PADI1: variants seen among roughly 807,000 people sequenced by gnomAD.
The protein encoded by PADI1 is protein-arginine deiminase type-1.
PADI1 carries 65 observed loss-of-function variants against 74.8 expected under a neutral mutation model. The observed-to-expected ratio is 0.87, with a 90% confidence interval of 0.71 to 1.07. The LOEUF is 1.07. Ranked by LOEUF, PADI1 falls within the 50% of genes least tolerant of loss-of-function variation. The pLI is 0.00. For synonymous variants in PADI1, 371 were observed against 336.2 expected, an observed-to-expected ratio of 1.10 and a Z score of -1.13; for missense variants, 943 against 854.0, an observed-to-expected ratio of 1.10 and a Z score of -1.30.
chr1:17,208,471 C>T (rs1163727623), intron 1 of PADI1, among the ~76,000 whole-genome samples: 1 of 124,788 alleles, frequency 8.0e-6, no homozygotes, highest in Non-Finnish European at 1.8e-5. Context: ...TGGGCTAGCC[C>T]ACCACCCTGT....
Position 17,230,193 on chromosome 1 carries a change from T to A in PADI1, c.1038T>A (p.Asn346Lys). 1 of 1,614,052 alleles carries A rather than the reference T, an allele frequency of 6.2e-7. No homozygotes were observed. Among genetic ancestry groups the A allele is most frequent in the Non-Finnish European group, 8.5e-7 (1 of 1,179,942 alleles). The change falls in exon 9 of 16, where the codon AAT becomes AAA. Residue 346 changes from asparagine (N) to lysine (K), a missense_variant. Physicochemically the swap from Asn to Lys is moderately conservative, Grantham distance 94 (BLOSUM62 0). Coordinates refer to ENST00000375471, the MANE Select transcript of PADI1 (RefSeq NM_013358.3). ...TCTGCCCTCAAGTTGAAAATCGAAATGACCGCTGGATCCAGGTGGGAGCTG... is the reference window on the plus strand; with the variant it reads ...TCTGCCCTCAAGTTGAAAATCGAAAAGACCGCTGGATCCAGGTGGGAGCTG... ...LTICPQVENR[N>K]DRWIQDEMEF...
chr1:17,235,726 A>C (rs2072626409), intron 11 of PADI1, among the ~76,000 whole-genome samples: 1 of 151,968 alleles, frequency 6.6e-6, no homozygotes, highest in African/African-American at 2.4e-5. Flanking sequence ...TTCTCCAAGG[A>C]CTTTGCTCCC....
intron 1 of PADI1, among the ~76,000 whole-genome samples, chr1:17,216,531 T>A (rs541669520): frequency 6.6e-6 from 1 of 150,572 alleles, no homozygotes; most frequent in Non-Finnish European, 1.5e-5. Context: ...GGGGAAGGAG[T>A]GGGCATGGGG....
rs997140236 is a variant in PADI1, at chr1:17,223,812, G to A, written c.346+119G>A. The stretch of plus-strand genomic sequence containing the variant: ...ATGGCCAGCTTCCTCCATCACTGAG[G>A]GGCTTGGATTCCTCGGGACCTTCTG... On this transcript the variant is annotated intron_variant, in intron 3 of 15. Transcript: ENST00000375471. 6.3e-6 allele frequency: 5 copies of A among 799,118 alleles called. No homozygotes were observed. In the African/African-American group the frequency reaches 6.7e-5, roughly 11 times the overall value. 49.5% of individuals were successfully genotyped at this position (799,118 alleles called of 1,614,324 possible).
intron 13 of PADI1, 158 bp from the exon 14 acceptor site, chr1:17,239,546 C>A (rs41265087): frequency 0.082 from 49,183 of 599,390 alleles, 2,561 homozygotes; most frequent in Non-Finnish European, 0.1. Flanking sequence ...ATGGCTTGGT[C>A]CCTTCAGGGG....
chr1:17,205,332 C>A, intron 1 of PADI1, 23 bp downstream of exon 1: 1 of 1,582,976 alleles, frequency 6.3e-7, no homozygotes, highest in Non-Finnish European at 8.7e-7. Context: ...AGGCGCTCTC[C>A]TGGCTGCAGA....
At chr1:17,219,292 G>A (rs1219652120) in intron 1 of PADI1, among the ~76,000 whole-genome samples, 1 of 152,078 alleles carries the variant, frequency 6.6e-6, no homozygotes, top group African/African-American at 2.4e-5. Flanking sequence ...GGGAACATGA[G>A]GGATGAGGGA....
chr1:17,226,862 A>T (rs2072329739), intron 6 of PADI1, among the ~76,000 whole-genome samples: 1 of 152,090 alleles, frequency 6.6e-6, no homozygotes. Context: ...ATCCTGGCTA[A>T]CATGGAGAAA....
At chr1:17,214,602 C>T (rs1291093210) in intron 1 of PADI1, among the ~76,000 whole-genome samples, 1 of 152,152 alleles carries the variant, frequency 6.6e-6, no homozygotes, top group Non-Finnish European at 1.5e-5. Context: ...CATCATGAGA[C>T]ATCACCAAAG....
chr1:17,232,946 T>A lies in PADI1; in HGVS notation c.1289T>A (p.Ile430Asn), dbSNP rs141349720. The A allele has an allele frequency of 3.6e-4, 582 of 1,609,528 alleles. 4 individuals carry two copies. The East Asian group carries it at 8.9e-3, about 25-fold the overall frequency. The change falls in exon 11 of 16, where the codon ATC (isoleucine) becomes AAC (asparagine). Residue 430 changes from isoleucine to asparagine, a missense_variant. Coordinates refer to ENST00000375471, the MANE Select transcript of PADI1 (RefSeq NM_013358.3). Reference sequence around the variant, plus strand: ...GGCACGGAATACCCCCTGGGCCGGATCCTCATCGGGAGCAGCTTCCCCAAG... The same window carrying A: ...GGCACGGAATACCCCCTGGGCCGGAACCTCATCGGGAGCAGCTTCCCCAAG... ...VGGTEYPLGR[I>N]LIGSSFPKSG...
intron 11 of PADI1, among the ~76,000 whole-genome samples, chr1:17,233,741 C>A (rs951810094): frequency 2.0e-5 from 3 of 152,214 alleles, no homozygotes; most frequent in Admixed American, 6.5e-5. Context: ...CCCCCACTTA[C>A]CCCCCAAGCC....
intron 1 of PADI1, among the ~76,000 whole-genome samples, chr1:17,214,916 G>T (rs1012691974): frequency 6.6e-6 from 1 of 152,238 alleles, no homozygotes; most frequent in Non-Finnish European, 1.5e-5. Context: ...CCTTGCTTGG[G>T]TGCCAGAGAG....
chr1:17,239,520 G>C, intron 13 of PADI1, 184 bp from the exon 14 acceptor site: 1 of 563,826 alleles, frequency 1.8e-6, no homozygotes, highest in South Asian at 2.3e-5. Context: ...TCCATCACCA[G>C]GTTTTCCTTG....
chr1:17,213,521 T>C (rs1358811693), intron 1 of PADI1, among the ~76,000 whole-genome samples: 1 of 152,248 alleles, frequency 6.6e-6, no homozygotes, highest in Non-Finnish European at 1.5e-5. Flanking sequence ...TCCTACTTTC[T>C]GTAATCAATC....
chr1:17,212,215 C>T (rs61668732), intron 1 of PADI1, among the ~76,000 whole-genome samples: 5 of 152,374 alleles, frequency 3.3e-5, no homozygotes, highest in African/African-American at 1.2e-4. Flanking sequence ...CCTGACCCTA[C>T]GGCATTTCTT....
intron 1 of PADI1, among the ~76,000 whole-genome samples, chr1:17,221,827 G>T (rs933863415): frequency 6.6e-6 from 1 of 152,234 alleles, no homozygotes; most frequent in African/African-American, 2.4e-5. Flanking sequence ...TACTCAAGAG[G>T]ATTCTGCCTT....
At chr1:17,224,846 G>A (rs2072263611) in intron 4 of PADI1, among the ~76,000 whole-genome samples, 1 of 152,106 alleles carries the variant, frequency 6.6e-6, no homozygotes, top group South Asian at 2.1e-4. Flanking sequence ...AACACCTGAA[G>A]AGTAAGGAGG....
intron 1 of PADI1, among the ~76,000 whole-genome samples, chr1:17,217,010 G>C (rs192408313): frequency 6.0e-4 from 90 of 150,154 alleles, no homozygotes; most frequent in Non-Finnish European, 1.1e-3. Context: ...GAAGAAAGGA[G>C]GAGAGGAGAG....
chr1:17,230,251 G>A (rs1375230370), intron 9 of PADI1, 43 bp downstream of exon 9: 1 of 1,595,622 alleles, frequency 6.3e-7, no homozygotes, highest in Non-Finnish European at 8.5e-7. Context: ...GCCTGGCTTG[G>A]GGAAAGGGAA....
Sources: gnomAD v4.1 joint callset for allele counts (sites outside exome capture counted in the v4.1 genomes callset) on GRCh38, gnomAD v4.1.1 for gene constraint, MANE v1.5 for transcripts, NCBI Gene and HGNC (gene_info 2026-07-23, HGNC 2026-07-21) for gene names.